IL17RD: variants seen among roughly 807,000 people sequenced by gnomAD.
IL17RD encodes interleukin-17 receptor D.
Under a neutral mutation model 80.5 loss-of-function variants are expected in IL17RD, and 52 were observed. The ratio of observed to expected loss-of-function variants is 0.65; its 90% CI spans 0.52 to 0.81. The LOEUF is 0.81. Ranked by LOEUF, IL17RD falls within the 40% of genes least tolerant of loss-of-function variation. IL17RD has a pLI of 0.00. For missense variants in IL17RD, 1,024 were observed against 955.1 expected (o/e 1.07, Z -0.95); for synonymous variants, 416 against 391.8 (o/e 1.06, Z -0.73).
intron 1 of IL17RD, among the ~76,000 whole-genome samples, chr3:57,160,346 T>C (rs1356238112): frequency 6.6e-6 from 1 of 151,898 alleles, no homozygotes; most frequent in Non-Finnish European, 1.5e-5. Flanking sequence ...AAATGAAGCA[T>C]GAAAAATACT....
rs945703289 is a variant in IL17RD at position 57,154,259 on chromosome 3, A to T, written c.126+10902T>A. ...GTGAGACCTTGTCTCAAAAAAAAAA[A>T]TTATATATATATATATATATATATA... is the stretch of plus-strand genomic sequence containing the variant. On this transcript the variant is annotated intron_variant, in intron 1 of 12. Coordinates refer to ENST00000296318, the MANE Select transcript of IL17RD (RefSeq NM_017563.5). Among the ~76,000 whole-genome samples, 33 of 122,984 alleles carry T rather than the reference A, an allele frequency of 2.7e-4. 1 individual carries two copies. Among genetic ancestry groups the T allele is most frequent in the African/African-American group, 1.3e-3 (32 of 23,946 alleles). 80.7% of individuals were successfully genotyped at this position (122,984 alleles called of 152,430 possible). A position where few individuals can be genotyped will look rare whatever the true frequency, so the allele number is the denominator to read the frequency against.
At chr3:57,145,039 G>A (rs574532340) in intron 1 of IL17RD, among the ~76,000 whole-genome samples, 18 of 152,212 alleles carry the variant, frequency 1.2e-4, no homozygotes, top group Non-Finnish European at 2.2e-4. Context: ...TTACCCATAT[G>A]CAGATCAACT....
intron 1 of IL17RD, among the ~76,000 whole-genome samples, chr3:57,124,312 T>C (rs1391677379): frequency 6.6e-6 from 1 of 152,168 alleles, no homozygotes; most frequent in East Asian, 1.9e-4. Flanking sequence ...CCTGTGAGTA[T>C]GCTATTTTAC....
At chr3:57,167,416 G>C (rs1204727922), upstream of IL17RD, among the ~76,000 whole-genome samples, 1 of 152,114 alleles carries the variant, frequency 6.6e-6, no homozygotes, top group Non-Finnish European at 1.5e-5. Context: ...TACTGTCCCT[G>C]GGTTGTTCTC....
At position 57,098,079 on chromosome 3, in the gene IL17RD, G is replaced by A; in HGVS notation, c.1624C>T (p.Leu542=). 1 of 1,614,004 alleles carries A rather than the reference G, an allele frequency of 6.2e-7. No homozygotes were observed. ...NYFRSKSGRS[L]YVAICNMHQF... is the part of the protein sequence containing the mutation. Reference sequence around the variant, plus strand: ...TGCATGTTGCAAATGGCGACGTATAGGGACCGGCCTGACTTGCTCCGGAAG... The same window carrying A: ...TGCATGTTGCAAATGGCGACGTATAAGGACCGGCCTGACTTGCTCCGGAAG... The change falls in exon 12 of 13, where the codon CTA becomes TTA. Residue 542 remains leucine (L), a synonymous_variant. Transcript: ENST00000296318.
intron 1 of IL17RD, among the ~76,000 whole-genome samples, chr3:57,159,624 T>A (rs1251395334): frequency 2.0e-5 from 3 of 152,106 alleles, no homozygotes; most frequent in African/African-American, 7.2e-5. Context: ...ATGGGGCCTG[T>A]AGCTCCAGCA....
At chr3:57,102,263 C>G (rs1706848095) in intron 10 of IL17RD, among the ~76,000 whole-genome samples, 1 of 152,202 alleles carries the variant, frequency 6.6e-6, no homozygotes, top group African/African-American at 2.4e-5. Context: ...GAGCGAGACC[C>G]TGTCCCAAGA....
chr3:57,109,220 C>T (rs142430964), intron 5 of IL17RD, among the ~76,000 whole-genome samples: 135 of 152,284 alleles, frequency 8.9e-4, no homozygotes, highest in African/African-American at 3.2e-3. Flanking sequence ...CCAATCTTGG[C>T]TCACTGAAAC....
intron 1 of IL17RD, among the ~76,000 whole-genome samples, chr3:57,136,837 AC>A (rs1393595550): frequency 6.6e-6 from 1 of 151,982 alleles, no homozygotes; most frequent in East Asian, 1.9e-4. Context: ...GCTAAACTAG[AC>A]CCCTGCCTCT....
intron 5 of IL17RD, among the ~76,000 whole-genome samples, chr3:57,106,358 T>C (rs1281377172): frequency 6.6e-6 from 1 of 152,216 alleles, no homozygotes; most frequent in Non-Finnish European, 1.5e-5. Flanking sequence ...ATTAATGCAG[T>C]TCACTTTATG....
intron 1 of IL17RD, among the ~76,000 whole-genome samples, chr3:57,152,079 G>C (rs1384775950): frequency 2.0e-5 from 3 of 152,050 alleles, no homozygotes; most frequent in African/African-American, 7.2e-5. Flanking sequence ...GAAATCAAAA[G>C]CACCTTGCAC....
At chr3:57,115,586 A>G (rs1707198815) in intron 2 of IL17RD, among the ~76,000 whole-genome samples, 1 of 152,176 alleles carries the variant, frequency 6.6e-6, no homozygotes, top group Admixed American at 6.6e-5. Flanking sequence ...AAAATCGGCA[A>G]GTTTCCTAAA....
intron 1 of IL17RD, among the ~76,000 whole-genome samples, chr3:57,122,274 T>C (rs1707357024): frequency 6.6e-6 from 1 of 152,206 alleles, no homozygotes; most frequent in Non-Finnish European, 1.5e-5. Context: ...AGTAACATCA[T>C]GGGAGGAAAA....
At chr3:57,121,802 A>G (rs202066244) in intron 1 of IL17RD, among the ~76,000 whole-genome samples, 8 of 152,318 alleles carry the variant, frequency 5.3e-5, no homozygotes, top group East Asian at 3.9e-4. Context: ...GTAGGAGACC[A>G]GGAACGAGAC....
chr3:57,153,925 C>T (rs1045057970), intron 1 of IL17RD, among the ~76,000 whole-genome samples: 1 of 151,926 alleles, frequency 6.6e-6, no homozygotes, highest in Non-Finnish European at 1.5e-5. Flanking sequence ...ATGGCAACAA[C>T]TTCATCTTCC....
At chr3:57,127,779 G>T (rs1432631982) in intron 1 of IL17RD, among the ~76,000 whole-genome samples, 1 of 152,090 alleles carries the variant, frequency 6.6e-6, no homozygotes, top group African/African-American at 2.4e-5. Flanking sequence ...GTGCTGTGAG[G>T]CTTAAAACGT....
At chr3:57,110,427 C>G in intron 3 of IL17RD, 116 bp from the exon 4 acceptor site, 1 of 1,170,408 alleles carries the variant, frequency 8.5e-7, no homozygotes, top group Non-Finnish European at 1.2e-6. Context: ...GGAATTCTAA[C>G]TGTGGCCAGG....
chr3:57,098,334 T>TG lies in IL17RD; in HGVS notation c.1368dup (p.Ile457HisfsTer25). On this transcript the variant is annotated frameshift_variant, in exon 12 of 13. Coordinates refer to ENST00000296318, the MANE Select transcript of IL17RD (RefSeq NM_017563.5). LOFTEE classifies it high-confidence loss of function. ...TTGGCCTGGCGGAGCTTTTCGGCAA[T>TG]GGCTGACACCGCCACCAGGAAGAGC... 1.2e-6 allele frequency: 2 copies of TG among 1,614,006 alleles called. No homozygotes were observed. The highest frequency in any genetic ancestry group is 1.7e-6 in the Non-Finnish European group (2 of 1,179,886).
intron 1 of IL17RD, among the ~76,000 whole-genome samples, chr3:57,159,170 T>G (rs192945837): frequency 6.6e-6 from 1 of 152,232 alleles, no homozygotes; most frequent in East Asian, 1.9e-4. Flanking sequence ...CACTCAGGAC[T>G]TCAAGTGTGA....
Sources: allele counts gnomAD v4.1 joint callset (sites outside exome capture counted in the v4.1 genomes callset), GRCh38; gene constraint gnomAD v4.1.1; transcripts MANE v1.5; gene names NCBI Gene and HGNC (gene_info 2026-07-23, HGNC 2026-07-21).